The following DGKB variants were observed in gnomAD, a reference collection of about 807,000 sequenced individuals.
The protein encoded by DGKB is 90 kDa diacylglycerol kinase.
A neutral mutation model predicts 114.3 loss-of-function variants in DGKB; 67 were observed. The ratio of observed to expected loss-of-function variants is 0.59; its 90% CI spans 0.48 to 0.72. The LOEUF (loss-of-function observed/expected upper bound fraction) is 0.72. Ranked by LOEUF, DGKB falls within the 30% of genes least tolerant of loss-of-function variation. DGKB has a pLI of 0.00. For synonymous variants in DGKB, 398 were observed against 323.1 expected (o/e 1.23, Z -2.49); for missense variants, 907 against 975.2 (o/e 0.93, Z 0.93).
At chr7:14,239,134 G>A (rs1793265767) in intron 23 of DGKB, among the ~76,000 whole-genome samples, 1 of 151,922 alleles carries the variant, frequency 6.6e-6, no homozygotes, top group African/African-American at 2.4e-5. Flanking sequence ...TCATCTACAG[G>A]ATAACTGCTC....
chr7:14,484,872 T>C (rs1022617593), intron 20 of DGKB, among the ~76,000 whole-genome samples: 2 of 151,942 alleles, frequency 1.3e-5, no homozygotes, highest in African/African-American at 4.8e-5. Flanking sequence ...ATACAGCAAA[T>C]TCAAAGAAAT....
chr7:14,798,907 TACC>T (rs2128042574), intron 2 of DGKB, among the ~76,000 whole-genome samples: 1 of 152,330 alleles, frequency 6.6e-6, no homozygotes, highest in African/African-American at 2.4e-5. Context: ...AAGACAATAC[TACC>T]GTCAATATCT....
intron 23 of DGKB, among the ~76,000 whole-genome samples, chr7:14,295,570 T>A (rs1802399502): frequency 6.6e-6 from 1 of 152,138 alleles, no homozygotes; most frequent in Non-Finnish European, 1.5e-5. Flanking sequence ...TCACCTATTT[T>A]TTTTTTAATA....
At chr7:14,947,888 G>A (rs141187466) in intron 1 of DGKB, among the ~76,000 whole-genome samples, 72 of 151,438 alleles carry the variant, frequency 4.8e-4, no homozygotes, top group African/African-American at 1.7e-3. Flanking sequence ...CCAATTAATT[G>A]ACTTCCACAC....
intron 2 of DGKB, among the ~76,000 whole-genome samples, chr7:14,789,292 AATC>A (rs1367836445): frequency 6.6e-6 from 1 of 152,130 alleles, no homozygotes; most frequent in East Asian, 1.9e-4. Flanking sequence ...GCCCTTTAGT[AATC>A]ATACACAATT....
At chr7:14,693,652 G>T (rs967481776) in intron 9 of DGKB, among the ~76,000 whole-genome samples, 17 of 151,458 alleles carry the variant, frequency 1.1e-4, no homozygotes, top group Non-Finnish European at 2.2e-4. Flanking sequence ...ATATTTAACT[G>T]CCTCCTCCAA....
At chr7:14,399,299 CA>C (rs1278598007) in intron 21 of DGKB, among the ~76,000 whole-genome samples, 1 of 151,604 alleles carries the variant, frequency 6.6e-6, no homozygotes, top group African/African-American at 2.4e-5. Flanking sequence ...TAAATAGCCA[CA>C]ACTTTTTGTA....
intron 23 of DGKB, among the ~76,000 whole-genome samples, chr7:14,307,051 T>C (rs568438326): frequency 5.6e-5 from 8 of 143,828 alleles, no homozygotes; most frequent in African/African-American, 1.5e-4. Context: ...ATAGCACTTA[T>C]CATACTTTAT....
intron 23 of DGKB, among the ~76,000 whole-genome samples, chr7:14,239,610 A>T (rs1176735489): frequency 1.3e-5 from 2 of 152,022 alleles, no homozygotes; most frequent in Admixed American, 1.3e-4. Context: ...TAGGATAGGA[A>T]AAAAGAGAGT....
intron 20 of DGKB, among the ~76,000 whole-genome samples, chr7:14,550,768 A>G (rs1221859504): frequency 6.6e-6 from 1 of 152,190 alleles, no homozygotes; most frequent in Non-Finnish European, 1.5e-5. Context: ...GACCAACAGA[A>G]TTTTATCAAA....
chr7:14,224,825 C>G (rs959184777), intron 23 of DGKB, among the ~76,000 whole-genome samples: 1 of 152,006 alleles, frequency 6.6e-6, no homozygotes, highest in African/African-American at 2.4e-5. Context: ...CTATCTCTTT[C>G]TTTGACCATA....
rs147708191 is a variant in DGKB, at chr7:14,449,958, A to T, written c.1835+28203T>A. On this transcript the variant is annotated intron_variant, in intron 21 of 25. Coordinates refer to ENST00000402815, the MANE Select transcript of DGKB (RefSeq NM_001350709.2). ...GAACATATGATAGTGTGGAAAGTAA[A>T]CAAAGTAGTGAATTGTTTTTAAATT... Among the ~76,000 whole-genome samples, 23 of 152,156 alleles carry T rather than the reference A, an allele frequency of 1.5e-4. No individual in the cohort carries two copies. In the East Asian group the frequency reaches 4.5e-3, roughly 30 times the overall value.
chr7:14,709,135 C>T (rs549833997), intron 6 of DGKB, among the ~76,000 whole-genome samples: 217 of 151,244 alleles, frequency 1.4e-3, no homozygotes, highest in South Asian at 0.014. Flanking sequence ...ATCAAACAAC[C>T]CCATCAAAAA....
chr7:14,445,707 T>C (rs1830636265), intron 21 of DGKB, among the ~76,000 whole-genome samples: 1 of 152,014 alleles, frequency 6.6e-6, no homozygotes, highest in Non-Finnish European at 1.5e-5. Flanking sequence ...GTAGAAATTT[T>C]TCCCAAGGAT....
At chr7:14,529,418 T>A (rs771497979) in intron 20 of DGKB, among the ~76,000 whole-genome samples, 5 of 151,882 alleles carry the variant, frequency 3.3e-5, no homozygotes, top group African/African-American at 4.8e-5. Context: ...AAATAACTAC[T>A]TTTTTCTTGG....
intron 1 of DGKB, among the ~76,000 whole-genome samples, chr7:14,910,242 A>AAAAGAAAGAAAGAAAGAAAGAAAGAAAG (rs61063816): frequency 1.8e-5 from 2 of 109,984 alleles, no homozygotes; most frequent in African/African-American, 3.4e-5. Flanking sequence ...CTCCATCAAA[A>AAAAGAAAGAAAGAAAGAAAGAAAGAAAG]AAAGAAAGAA....
chr7:14,711,809 A>G (rs1827397529), intron 6 of DGKB, among the ~76,000 whole-genome samples: 1 of 152,148 alleles, frequency 6.6e-6, no homozygotes, highest in African/African-American at 2.4e-5. Context: ...AATGAAAGGA[A>G]TTCTGGGCTA....
chr7:14,355,569 A>C, intron 21 of DGKB, among the ~76,000 whole-genome samples: 1 of 152,016 alleles, frequency 6.6e-6, no homozygotes, highest in Non-Finnish European at 1.5e-5. Context: ...TGTTTATGTG[A>C]TGGATTAATT....
intron 23 of DGKB, among the ~76,000 whole-genome samples, chr7:14,292,049 TTA>T (rs1360196328): frequency 2.6e-5 from 4 of 152,176 alleles, no homozygotes; most frequent in Non-Finnish European, 5.9e-5. Flanking sequence ...AGTGTGAATG[TTA>T]TTTTTAGCAC....
Sources: allele counts gnomAD v4.1 joint callset (sites outside exome capture counted in the v4.1 genomes callset), GRCh38; gene constraint gnomAD v4.1.1; transcripts MANE v1.5; gene names NCBI Gene and HGNC (gene_info 2026-07-23, HGNC 2026-07-21).